The following IRAG1 variants were observed in gnomAD, a reference collection of about 807,000 sequenced individuals.
IRAG1 encodes the protein IP3R-associated cGMP kinase substrate.
In IRAG1, 62 loss-of-function variants were observed where a neutral mutation model predicts 106.2. The ratio of observed to expected loss-of-function variants is 0.58; its 90% CI spans 0.48 to 0.72. IRAG1 has a LOEUF of 0.72. Among genes scored for constraint, IRAG1 ranks in the 30% least tolerant of loss-of-function variants. The probability of loss-of-function intolerance (pLI) is 0.00; values close to 1 mark genes in which losing one functional copy is unlikely to be tolerated. For missense variants in IRAG1, 1,064 were observed against 1,140.7 expected (o/e 0.93, Z 0.97); for synonymous variants, 462 against 443.9 (o/e 1.04, Z -0.51).
At position 10,623,768 on chromosome 11, in the gene IRAG1, C is replaced by T. The variant is rs1856015020; in HGVS notation, c.1447+10G>A. 1.2e-6 allele frequency: 2 copies of T among 1,613,686 alleles called. No homozygotes were observed. The highest frequency in any genetic ancestry group is 8.5e-7 in the Non-Finnish European group (1 of 1,179,726). On this transcript the variant is annotated intron_variant, in intron 10 of 20. Coordinates refer to ENST00000423302, the MANE Select transcript of IRAG1 (RefSeq NM_130385.4). ...CTCGCTGAGACAGCATCTGCCCCAA[C>T]CCCACCTACCTTTTTCCTGCTCAGC...
intron 10 of IRAG1, among the ~76,000 whole-genome samples, chr11:10,618,033 T>C (rs1855559150): frequency 6.6e-6 from 1 of 152,250 alleles, no homozygotes; most frequent in Non-Finnish European, 1.5e-5. Context: ...TTCAAACTCA[T>C]TAATTGGCCT....
intron 16 of IRAG1, 114 bp from the exon 17 acceptor site, chr11:10,593,713 A>G: frequency 1.2e-6 from 1 of 852,770 alleles, no homozygotes; most frequent in Non-Finnish European, 1.8e-6. Context: ...TTCACTGGAT[A>G]TTTTGGTTTT....
intron 3 of IRAG1, among the ~76,000 whole-genome samples, chr11:10,632,874 C>A (rs568466819): frequency 6.6e-6 from 1 of 152,292 alleles, no homozygotes; most frequent in South Asian, 2.1e-4. Context: ...AGAACATTCA[C>A]CTATTTTATA....
chr11:10,618,172 GATGCCTAC>G (rs1023924898), intron 10 of IRAG1, among the ~76,000 whole-genome samples: 71 of 152,236 alleles, frequency 4.7e-4, no homozygotes, highest in African/African-American at 1.6e-3. Flanking sequence ...AGCACTAGAA[GATGCCTAC>G]ATGCTTTTGC....
At chr11:10,684,224 T>C (rs1861484755) in intron 1 of IRAG1, among the ~76,000 whole-genome samples, 1 of 152,122 alleles carries the variant, frequency 6.6e-6, no homozygotes, top group Admixed American at 6.6e-5. Context: ...CCAACAATGA[T>C]AGACTGGATT....
At chr11:10,673,364 T>C (rs1282758710) in intron 1 of IRAG1, among the ~76,000 whole-genome samples, 1 of 152,108 alleles carries the variant, frequency 6.6e-6, no homozygotes, top group Non-Finnish European at 1.5e-5. Context: ...AAGGATGAAC[T>C]TGAAAATATT....
At chr11:10,609,928 T>C in intron 10 of IRAG1, 77 bp from the exon 11 acceptor site, 3 of 1,439,930 alleles carry the variant, frequency 2.1e-6, no homozygotes, top group Non-Finnish European at 2.9e-6. Context: ...TTCAGGAGCT[T>C]TGACATTTAT....
At chr11:10,600,402 G>C (rs1231060528) in intron 15 of IRAG1, among the ~76,000 whole-genome samples, 1 of 152,178 alleles carries the variant, frequency 6.6e-6, no homozygotes, top group East Asian at 1.9e-4. Flanking sequence ...ACATCTTCAT[G>C]GGGTTTTCTA....
rs373456632 is a variant in IRAG1 at position 10,606,795 on chromosome 11, T to C, written c.1572-23A>G. On this transcript the variant is annotated intron_variant, in intron 11 of 20. Transcript: ENST00000423302. ...GCACTGTGAAAAAGAAAACACACAA[T>C]TGAACTGTGTGCAACCTAGTCAATA... 256 of 1,570,638 alleles carry C rather than the reference T, an allele frequency of 1.6e-4. 2 individuals are homozygous for C. Among genetic ancestry groups the C allele is most frequent in the Middle Eastern group, 1.5e-3 (9 of 6,006 alleles).
intron 16 of IRAG1, 48 bp from the exon 17 acceptor site, chr11:10,593,647 G>T: frequency 1.4e-6 from 2 of 1,396,816 alleles, no homozygotes; most frequent in Non-Finnish European, 2.0e-6. Context: ...GGTAGCAATA[G>T]CCATAGTTCA....
intron 1 of IRAG1, among the ~76,000 whole-genome samples, chr11:10,681,773 C>T (rs749831055): frequency 1.5e-4 from 23 of 152,336 alleles, no homozygotes; most frequent in Non-Finnish European, 2.6e-4. Context: ...AAGACCTTGA[C>T]TGCCCTTAAA....
At chr11:10,648,004 A>G (rs1858110797) in intron 2 of IRAG1, among the ~76,000 whole-genome samples, 1 of 152,214 alleles carries the variant, frequency 6.6e-6, no homozygotes, top group African/African-American at 2.4e-5. Flanking sequence ...TGACCAGGAC[A>G]GAGCTGGCCA....
intron 10 of IRAG1, among the ~76,000 whole-genome samples, chr11:10,623,449 C>G (rs116928595): frequency 0.021 from 3,197 of 152,206 alleles, 42 homozygotes; most frequent in Non-Finnish European, 0.031. Context: ...GGCCGTGATG[C>G]CTTGAAAAGA....
rs765678270 is a variant in IRAG1, at chr11:10,594,189, C to T, written c.2024G>A (p.Gly675Glu). Residue 675 changes from glycine (G) to glutamate (E), a missense_variant, in exon 16 of 21, where the codon GGG (glycine) becomes GAG (glutamate). Coordinates refer to ENST00000423302, the MANE Select transcript of IRAG1 (RefSeq NM_130385.4). ...SSRSCGPSED[G>E]VPRTARSMSL... Reference sequence around the variant, plus strand: ...CATGGACCGTGCCGTGCGAGGGACCCCATCTTCTGCAGCAGGAGGGAGCAG... The same window carrying T: ...CATGGACCGTGCCGTGCGAGGGACCTCATCTTCTGCAGCAGGAGGGAGCAG... 1 of 1,609,676 alleles carries T rather than the reference C, an allele frequency of 6.2e-7. No homozygotes were observed. The highest frequency in any genetic ancestry group is 1.3e-5 in the African/African-American group (1 of 74,946).
intron 4 of IRAG1, among the ~76,000 whole-genome samples, chr11:10,630,450 C>A (rs1045191760): frequency 6.6e-5 from 10 of 151,904 alleles, no homozygotes; most frequent in Non-Finnish European, 1.2e-4. Flanking sequence ...CGGCTCACTG[C>A]AACCTCTGCC....
At chr11:10,604,678 G>T in intron 12 of IRAG1, 133 bp from the exon 13 acceptor site, 2 of 1,098,648 alleles carry the variant, frequency 1.8e-6, no homozygotes, top group Non-Finnish European at 2.7e-6. Flanking sequence ...GCAGCCATGT[G>T]CAAGGGAAAC....
intron 1 of IRAG1, among the ~76,000 whole-genome samples, chr11:10,684,695 C>G (rs926390185): frequency 2.0e-5 from 3 of 151,518 alleles, no homozygotes; most frequent in Non-Finnish European, 4.4e-5. Flanking sequence ...GAAAGCTGCC[C>G]TGGGTCCTGC....
Position 10,626,053 on chromosome 11 carries a change from G to A in IRAG1, c.1281C>T (p.Gly427=), listed in dbSNP as rs557635010. Residue 427 remains glycine (G), a synonymous_variant, in exon 9 of 21, where the codon GGC becomes GGT. Transcript: ENST00000423302. ...EEEKRFAGKA[G]GKLAKAPGLK... ...GACCAGGGGCCTTGGCCAGCTTGCC[G>A]CCGGCCTTGCCTGCAAAACGCTTTT... is the stretch of plus-strand genomic sequence containing the variant. 214 of 1,519,482 alleles carry A rather than the reference G, an allele frequency of 1.4e-4. No individual in the cohort carries two copies. Among genetic ancestry groups the A allele is most frequent in the Non-Finnish European group, 1.7e-4 (191 of 1,133,460 alleles). The allele number at this position is 1,519,482 out of a possible 1,614,324, so 94.1% of individuals were successfully genotyped here.
At chr11:10,592,600 A>G (rs1466629894) in intron 17 of IRAG1, among the ~76,000 whole-genome samples, 1 of 152,204 alleles carries the variant, frequency 6.6e-6, no homozygotes, top group Non-Finnish European at 1.5e-5. Context: ...GGATAGAGAA[A>G]CCACTGAAGA....
Sources: allele counts gnomAD v4.1 joint callset (sites outside exome capture counted in the v4.1 genomes callset), GRCh38; gene constraint gnomAD v4.1.1; transcripts MANE v1.5; gene names NCBI Gene and HGNC (gene_info 2026-07-23, HGNC 2026-07-21).